The following CSNK1G1 variants were observed in gnomAD, a reference collection of about 807,000 sequenced individuals.
CSNK1G1 encodes the protein casein kinase 1 gamma 1, also known as casein kinase I isoform gamma-1.
Under a neutral mutation model 59.6 loss-of-function variants are expected in CSNK1G1, and 22 were observed. The ratio of observed to expected loss-of-function variants is 0.37; its 90% CI spans 0.26 to 0.53. CSNK1G1 has a LOEUF of 0.53. Ranked by LOEUF, CSNK1G1 falls within the 20% of genes least tolerant of loss-of-function variation. The pLI is 0.89. For synonymous variants in CSNK1G1, 179 were observed against 177.1 expected, an observed-to-expected ratio of 1.01 and a Z score of -0.08; for missense variants, 384 against 519.5, an observed-to-expected ratio of 0.74 and a Z score of 2.54.
At position 64,231,828 on chromosome 15, in the gene CSNK1G1, T is replaced by C. The variant is rs564646321; in HGVS notation, c.293-15115A>G. On this transcript the variant is annotated intron_variant, in intron 4 of 11. Transcript: ENST00000303052. ...TCTACTGTTTTAGCTTGTGTTACAG[T>C]TACTTACCATTATTGTCCTACCATT... Among the ~76,000 whole-genome samples the C allele has an allele frequency of 6.6e-5, 10 of 152,336 alleles. No individual in the cohort carries two copies. In the East Asian group the frequency reaches 1.2e-3, roughly 18 times the overall value.
chr15:64,303,321 A>T (rs1895468707), intron 1 of CSNK1G1, among the ~76,000 whole-genome samples: 2 of 151,348 alleles, frequency 1.3e-5, no homozygotes, highest in South Asian at 4.1e-4. Context: ...ACCCTATAGA[A>T]AGCCAAAAAT....
At chr15:64,207,852 A>G (rs191233234) in intron 6 of CSNK1G1, among the ~76,000 whole-genome samples, 3 of 151,502 alleles carry the variant, frequency 2.0e-5, no homozygotes, top group Admixed American at 1.3e-4. Context: ...CAAATCACTA[A>G]ACAGTGAATT....
intron 3 of CSNK1G1, among the ~76,000 whole-genome samples, chr15:64,257,742 T>A (rs1435210211): frequency 2.0e-5 from 3 of 152,160 alleles, no homozygotes; most frequent in Non-Finnish European, 4.4e-5. Flanking sequence ...CAGGCTGGTC[T>A]TGAACTTCTG....
At chr15:64,182,270 A>G (rs1057431594) in intron 10 of CSNK1G1, among the ~76,000 whole-genome samples, 7 of 151,694 alleles carry the variant, frequency 4.6e-5, no homozygotes, top group Non-Finnish European at 1.0e-4. Context: ...ATGGGGTTTC[A>G]CCATGTTGGC....
chr15:64,180,504 C>G (rs2081798489), intron 10 of CSNK1G1, 50 bp from the exon 11 acceptor site: 4 of 1,456,214 alleles, frequency 2.7e-6, no homozygotes, highest in Non-Finnish European at 3.9e-6. Flanking sequence ...CAACAGAAAT[C>G]TCTTGCCAGC....
chr15:64,249,423 T>C lies in CSNK1G1; in HGVS notation c.292+2089A>G, dbSNP rs563610635. Among the ~76,000 whole-genome samples the C allele has an allele frequency of 2.0e-5, 3 of 152,276 alleles. No individual in the cohort carries two copies. In the East Asian group the frequency reaches 5.8e-4, roughly 29 times the overall value. On this transcript the variant is annotated intron_variant, in intron 4 of 11. Transcript: ENST00000303052. ...ATTAAGATGATGCCCACCGCAGCTA[T>C]TTTAGAAGTAGTGGGTGATCTCAAG...
At chr15:64,248,709 G>A (rs1891894535) in intron 4 of CSNK1G1, among the ~76,000 whole-genome samples, 1 of 152,178 alleles carries the variant, frequency 6.6e-6, no homozygotes, top group African/African-American at 2.4e-5. Flanking sequence ...ATATGGCCAG[G>A]CACGGCGGCT....
chr15:64,199,094 A>T (rs1251033951), intron 10 of CSNK1G1, among the ~76,000 whole-genome samples: 2 of 151,522 alleles, frequency 1.3e-5, no homozygotes, highest in African/African-American at 4.8e-5. Flanking sequence ...ACGAAAAAAA[A>T]AAAAAAATTA....
intron 4 of CSNK1G1, among the ~76,000 whole-genome samples, chr15:64,222,593 T>C (rs1433316994): frequency 6.6e-6 from 1 of 150,538 alleles, no homozygotes. Flanking sequence ...TTTTATGAAA[T>C]AACGTGTGGC....
At chr15:64,191,037 T>C (rs1461717993) in intron 10 of CSNK1G1, among the ~76,000 whole-genome samples, 2 of 152,116 alleles carry the variant, frequency 1.3e-5, no homozygotes, top group Non-Finnish European at 2.9e-5. Context: ...TCATGAATGC[T>C]CTCTGTTTTT....
chr15:64,205,461 GT>G (rs552870792), intron 7 of CSNK1G1, among the ~76,000 whole-genome samples: 2,401 of 152,298 alleles, frequency 0.016, 40 homozygotes, highest in Middle Eastern at 0.041. Context: ...GAAAAAAGTT[GT>G]CTATGGTACA....
chr15:64,180,235 C>A, intron 11 of CSNK1G1, 113 bp downstream of exon 11: 3 of 754,966 alleles, frequency 4.0e-6, no homozygotes, highest in Middle Eastern at 4.7e-4. Flanking sequence ...AGGAAGAAAG[C>A]TGTGGTTACA....
At chr15:64,256,746 TTTAGAAATC>T (rs1395819800) in intron 3 of CSNK1G1, among the ~76,000 whole-genome samples, 12 of 152,160 alleles carry the variant, frequency 7.9e-5, no homozygotes, top group African/African-American at 2.9e-4. Context: ...TTTAAAGGTT[TTTAGAAATC>T]TAAGAAATCT....
chr15:64,343,354 C>T (rs1459008528), intron 1 of CSNK1G1, among the ~76,000 whole-genome samples: 1 of 152,206 alleles, frequency 6.6e-6, no homozygotes, highest in African/African-American at 2.4e-5. Flanking sequence ...TTCTCCCACC[C>T]TGTGCTGGCC....
At chr15:64,344,635 C>G (rs1596302557) in intron 1 of CSNK1G1, among the ~76,000 whole-genome samples, 1 of 152,066 alleles carries the variant, frequency 6.6e-6, no homozygotes, top group Admixed American at 6.6e-5. Flanking sequence ...CCACTTAAAC[C>G]TCCTGGAAAA....
At chr15:64,282,164 A>G (rs1183116431) in intron 2 of CSNK1G1, among the ~76,000 whole-genome samples, 1 of 152,086 alleles carries the variant, frequency 6.6e-6, no homozygotes, top group Non-Finnish European at 1.5e-5. Flanking sequence ...CCTGGCTTCA[A>G]GTGATCCTCC....
intron 4 of CSNK1G1, among the ~76,000 whole-genome samples, chr15:64,249,592 A>T (rs1196272588): frequency 6.6e-6 from 1 of 152,216 alleles, no homozygotes; most frequent in Non-Finnish European, 1.5e-5. Flanking sequence ...CAGTTGGCCT[A>T]ACCAGTACAA....
At chr15:64,246,248 C>T (rs1465089401) in intron 4 of CSNK1G1, among the ~76,000 whole-genome samples, 1 of 152,146 alleles carries the variant, frequency 6.6e-6, no homozygotes, top group Non-Finnish European at 1.5e-5. Flanking sequence ...GAACCGCCTA[C>T]TAGGTATTTA....
intron 1 of CSNK1G1, among the ~76,000 whole-genome samples, chr15:64,319,327 TTTC>T (rs1896437067): frequency 6.6e-6 from 1 of 152,172 alleles, no homozygotes; most frequent in Non-Finnish European, 1.5e-5. Context: ...CCCATTTGAT[TTTC>T]TTGTCAAATT....
Sources: gnomAD v4.1 joint callset for allele counts (sites outside exome capture counted in the v4.1 genomes callset) on GRCh38, gnomAD v4.1.1 for gene constraint, MANE v1.5 for transcripts, NCBI Gene and HGNC (gene_info 2026-07-23, HGNC 2026-07-21) for gene names.